The following CDH8 variants were observed in gnomAD, a reference collection of about 807,000 sequenced individuals.
The protein encoded by CDH8 is cadherin 8.
In CDH8, 17 loss-of-function variants were observed where a neutral mutation model predicts 68.1. The observed-to-expected ratio is 0.25, with a 90% CI of 0.17 to 0.37. The LOEUF (loss-of-function observed/expected upper bound fraction) is 0.37, where lower values mean the gene tolerates loss of function less well. Among genes scored for constraint, CDH8 ranks in the 10% least tolerant of loss-of-function variants. The probability of loss-of-function intolerance (pLI) is 1.00; values close to 1 mark genes in which losing one functional copy is unlikely to be tolerated. For missense variants in CDH8, 763 were observed against 999.3 expected (o/e 0.76, Z 3.19); for synonymous variants, 372 against 365.1 (o/e 1.02, Z -0.21).
intron 2 of CDH8, among the ~76,000 whole-genome samples, chr16:61,965,275 A>G (rs1161671190): frequency 6.6e-6 from 1 of 152,160 alleles, no homozygotes; most frequent in Non-Finnish European, 1.5e-5. Context: ...TTTTATTCGC[A>G]GCCAATTTCC....
At chr16:61,781,069 G>C (rs1385028824) in intron 8 of CDH8, among the ~76,000 whole-genome samples, 1 of 152,208 alleles carries the variant, frequency 6.6e-6, no homozygotes, top group African/African-American at 2.4e-5. Flanking sequence ...ACCTGTGCAT[G>C]AACATCTTCC....
intron 2 of CDH8, among the ~76,000 whole-genome samples, chr16:61,928,243 T>C (rs1473299640): frequency 5.3e-5 from 8 of 152,208 alleles, no homozygotes; most frequent in Admixed American, 5.2e-4. Flanking sequence ...GGTACTTTGA[T>C]TTGTACTACT....
In CDH8 at chr16:62,033,631, G is replaced by T. The variant is rs77174667; in HGVS notation, c.-200+2449C>A. Among the ~76,000 whole-genome samples the T allele has an allele frequency of 2.0e-3, 300 of 152,294 alleles. 1 individual carries two copies. The highest frequency in any genetic ancestry group is 6.9e-3 in the African/African-American group (287 of 41,564). On this transcript the variant is annotated intron_variant, in intron 1 of 11. Transcript: ENST00000577390. ...GGAGAATAGATTAAAAAGTTTGAAT[G>T]ACAGCATTACAGCACAAGTTTCAGA...
Position 61,961,705 on chromosome 16 carries a change from A to G in CDH8, c.252+59447T>C, listed in dbSNP as rs145711194. ...AAGGTGAGTTGTTCATTTGTTTCAC[A>G]TTAAAAGAAAAATGTTAGGTAAGAT... On this transcript the variant is annotated intron_variant, in intron 2 of 11. Coordinates refer to ENST00000577390, the MANE Select transcript of CDH8 (RefSeq NM_001796.5). Among the ~76,000 whole-genome samples, 17 of 152,364 alleles carry G rather than the reference A, an allele frequency of 1.1e-4. No homozygotes were observed. The East Asian group carries it at 3.3e-3, about 29-fold the overall frequency.
rs1330575172 is a variant in CDH8, at chr16:62,007,595, C to CA, written c.252+13556dup. Among the ~76,000 whole-genome samples the CA allele has an allele frequency of 7.3e-5, 8 of 109,004 alleles. No homozygotes were observed. In the East Asian group the frequency reaches 3.0e-3, roughly 41 times the overall value. The allele number at this position is 109,004 out of a possible 152,430, so 71.5% of individuals were successfully genotyped here. A position where few individuals can be genotyped will look rare whatever the true frequency, so the allele number is the denominator to read the frequency against. ...AATCAAAATGCACAACTTTCCAAAG[C>CA]AAAAACAAAAAAAATCAGAACCTGT... On this transcript the variant is annotated intron_variant, in intron 2 of 11. Transcript: ENST00000577390.
intron 10 of CDH8, among the ~76,000 whole-genome samples, chr16:61,678,711 T>C (rs187018101): frequency 5.9e-5 from 9 of 152,160 alleles, no homozygotes; most frequent in Non-Finnish European, 1.2e-4. Flanking sequence ...AATAGCATGA[T>C]ACTGGCACAT....
intron 2 of CDH8, among the ~76,000 whole-genome samples, chr16:61,955,810 A>G (rs1964978971): frequency 6.6e-6 from 1 of 152,150 alleles, no homozygotes. Flanking sequence ...TGGAAAATTC[A>G]AAACTATTGG....
intron 2 of CDH8, among the ~76,000 whole-genome samples, chr16:62,006,887 C>A (rs539633597): frequency 6.9e-6 from 1 of 145,582 alleles, no homozygotes; most frequent in Admixed American, 7.2e-5. Flanking sequence ...GCCAATATTT[C>A]AAAAGCCCAT....
chr16:61,939,790 A>C (rs1447122399), intron 2 of CDH8, among the ~76,000 whole-genome samples: 4 of 152,216 alleles, frequency 2.6e-5, no homozygotes, highest in African/African-American at 9.6e-5. Flanking sequence ...AAAGATGTGA[A>C]ACAATATTGT....
At chr16:61,851,343 G>T (rs930836175) in intron 4 of CDH8, among the ~76,000 whole-genome samples, 1 of 151,710 alleles carries the variant, frequency 6.6e-6, no homozygotes, top group Non-Finnish European at 1.5e-5. Context: ...AATGGTCTGA[G>T]TTTCAAAAAA....
intron 4 of CDH8, among the ~76,000 whole-genome samples, chr16:61,852,330 C>G (rs1250865339): frequency 6.6e-6 from 1 of 152,064 alleles, no homozygotes; most frequent in Non-Finnish European, 1.5e-5. Flanking sequence ...TGTATATACA[C>G]AATGATTTGG....
intron 10 of CDH8, among the ~76,000 whole-genome samples, chr16:61,690,400 T>A (rs74023223): frequency 0.062 from 9,388 of 152,106 alleles, 1,011 homozygotes; most frequent in African/African-American, 0.21. Context: ...TCTCACACAT[T>A]GTTGATTCTA....
chr16:61,717,390 C>T (rs1399682514), intron 9 of CDH8, among the ~76,000 whole-genome samples: 3 of 151,442 alleles, frequency 2.0e-5, no homozygotes, highest in South Asian at 4.1e-4. Flanking sequence ...ATTAAATAAA[C>T]GTTCTAAGAC....
In CDH8 at chr16:61,652,291, A is replaced by G; in HGVS notation, c.*1317T>C. The stretch of plus-strand genomic sequence containing the variant: ...GGATAGGAGTGCTAAAAACGTAAAC[A>G]GTGAAATTATGTACAAATCAGTTCC... On this transcript the variant is annotated 3_prime_UTR_variant, in exon 12 of 12. Coordinates refer to ENST00000577390, the MANE Select transcript of CDH8 (RefSeq NM_001796.5). The G allele has an allele frequency of 1.0e-6, 1 of 985,310 alleles. No homozygotes were observed. Among genetic ancestry groups the G allele is most frequent in the Non-Finnish European group, 1.2e-6 (1 of 829,826 alleles). The allele number at this position is 985,310 out of a possible 1,614,324, so 61.0% of individuals were successfully genotyped here. A position where few individuals can be genotyped will look rare whatever the true frequency, so the allele number is the denominator to read the frequency against.
chr16:61,946,720 C>G (rs957987189), intron 2 of CDH8, among the ~76,000 whole-genome samples: 1 of 152,158 alleles, frequency 6.6e-6, no homozygotes, highest in African/African-American at 2.4e-5. Context: ...ATCCTGAAAA[C>G]AGATGCAATT....
chr16:61,793,531 G>A (rs1439449350), intron 7 of CDH8, among the ~76,000 whole-genome samples: 1 of 151,922 alleles, frequency 6.6e-6, no homozygotes, highest in Non-Finnish European at 1.5e-5. Flanking sequence ...GAATTAGTTT[G>A]CTAATGATAA....
chr16:61,959,459 TG>T (rs1965041864), intron 2 of CDH8, among the ~76,000 whole-genome samples: 1 of 151,314 alleles, frequency 6.6e-6, no homozygotes, highest in South Asian at 2.1e-4. Flanking sequence ...TAGGGCCCCT[TG>T]GGGTAACAGA....
At chr16:61,772,888 CTA>C (rs1567463454) in intron 8 of CDH8, among the ~76,000 whole-genome samples, 1 of 151,996 alleles carries the variant, frequency 6.6e-6, no homozygotes, top group African/African-American at 2.4e-5. Context: ...TTCCTATTCT[CTA>C]TGTCATAGAC....
rs548898396 is a variant in CDH8, at chr16:61,948,966, G to A, written c.253-47493C>T. On this transcript the variant is annotated intron_variant, in intron 2 of 11. Transcript: ENST00000577390. ...ATCAAAAGTGTTTAAATGCATTTTTGTAAACAGTACCTACCGTGTGTATCT... is the reference window on the plus strand; with the variant it reads ...ATCAAAAGTGTTTAAATGCATTTTTATAAACAGTACCTACCGTGTGTATCT... 5.5e-4 allele frequency among the ~76,000 whole-genome samples: 83 copies of A among 152,154 alleles called. 1 individual carries two copies. Among genetic ancestry groups the A allele is most frequent in the Non-Finnish European group, 9.0e-4 (61 of 68,034 alleles).
Sources: allele counts gnomAD v4.1 joint callset (sites outside exome capture counted in the v4.1 genomes callset), GRCh38; gene constraint gnomAD v4.1.1; transcripts MANE v1.5; gene names NCBI Gene and HGNC (gene_info 2026-07-23, HGNC 2026-07-21).